Variants in ACAP3 observed in about 807,000 individuals in gnomAD.
The protein encoded by ACAP3 is arf-GAP with coiled-coil, ANK repeat and PH domain-containing protein 3.
In ACAP3, 56 loss-of-function variants were observed where a neutral mutation model predicts 104.1. That is an observed-to-expected ratio of 0.54 (90% CI 0.43 to 0.67). The LOEUF is 0.67. Ranked by LOEUF, ACAP3 falls within the 30% of genes least tolerant of loss-of-function variation. ACAP3 has a pLI of 0.00. For missense variants in ACAP3, 1,208 were observed against 1,174.9 expected (o/e 1.03, Z -0.41); for synonymous variants, 628 against 496.2 (o/e 1.27, Z -3.53).
chr1:1,292,567 C>T lies in ACAP3; in HGVS notation c.*997G>A, dbSNP rs1265792833. ...GGGCCGGGTCCAGCGCCCACTGTGC[C>T]CTCAGGGAGCCTCCCCAGGGCAGCA... On this transcript the variant is annotated 3_prime_UTR_variant, in exon 24 of 24. Transcript: ENST00000354700. 6.6e-6 allele frequency: 1 copy of T among 152,434 alleles called. No homozygotes were observed. The highest frequency in any genetic ancestry group is 1.5e-5 in the Non-Finnish European group (1 of 68,212). 9.4% of individuals were successfully genotyped at this position (152,434 alleles called of 1,614,324 possible).
In ACAP3 at chr1:1,296,564, C is replaced by T. The variant is rs759899820; in HGVS notation, c.1198G>A (p.Val400Met). The T allele has an allele frequency of 4.7e-5, 72 of 1,539,564 alleles. No homozygotes were observed. The highest frequency in any genetic ancestry group is 1.4e-4 in the South Asian group (12 of 84,064). ...DSATDTRERG[V>M]KGESVLQRVQ... ...CGCTGCAGCACACTCTCGCCCTTCACGCCACGCTCCCGAGTGTCGGTGGCG... is the reference window on the plus strand; with the variant it reads ...CGCTGCAGCACACTCTCGCCCTTCATGCCACGCTCCCGAGTGTCGGTGGCG... The change falls in exon 15 of 24, where the codon GTG becomes ATG. Residue 400 changes from valine to methionine, a missense_variant. Coordinates refer to ENST00000354700, the MANE Select transcript of ACAP3 (RefSeq NM_030649.3).
rs996041007 is a variant in ACAP3, at chr1:1,303,438, G to A, written c.106-157C>T. ...GCCCCGGTGCAGCTTCCTCACGCCTGGGCCTGCCTGGGGCTTGGAGGCCCG... is the reference window on the plus strand; with the variant it reads ...GCCCCGGTGCAGCTTCCTCACGCCTAGGCCTGCCTGGGGCTTGGAGGCCCG... On this transcript the variant is annotated intron_variant, in intron 2 of 23. Transcript: ENST00000354700. This position sits in a 1 kb window ranked among gnomAD's most constrained non-coding sequence, Gnocchi z 4.0. The A allele has an allele frequency of 9.5e-7, 1 of 1,053,438 alleles. No individual in the cohort carries two copies. The highest frequency in any genetic ancestry group is 1.3e-6 in the Non-Finnish European group (1 of 750,444). The allele number at this position is 1,053,438 out of a possible 1,614,324, so 65.3% of individuals were successfully genotyped here. A position where few individuals can be genotyped will look rare whatever the true frequency, so the allele number is the denominator to read the frequency against.
intron 1 of ACAP3, 46 bp from the exon 2 acceptor site, chr1:1,304,189 C>T (rs1308869406): frequency 4.5e-6 from 7 of 1,548,956 alleles, no homozygotes; most frequent in Non-Finnish European, 6.1e-6. Flanking sequence ...AGCCTCAGCC[C>T]CCTCGGGGCT....
intron 10 of ACAP3, 112 bp from the exon 11 acceptor site, chr1:1,298,791 C>T: frequency 1.3e-6 from 1 of 773,344 alleles, no homozygotes; most frequent in East Asian, 2.7e-5. Flanking sequence ...TGCCACACGG[C>T]CCACGGACCA....
rs932805838 is a variant in ACAP3, at chr1:1,294,497, G to A, written c.2044C>T (p.Pro682Ser). The change falls in exon 21 of 24, where the codon CCT becomes TCT. Residue 682 changes from proline to serine, a missense_variant. By Grantham distance (74) the Pro-to-Ser change is moderately conservative. Transcript: ENST00000354700. ...TGGGCCAGCGCCGCCGCCAGCGCAGGAAGGTCGCGGGCACGCGCTGCGCGG... is the reference window on the plus strand; with the variant it reads ...TGGGCCAGCGCCGCCGCCAGCGCAGAAAGGTCGCGGGCACGCGCTGCGCGG... The part of the protein sequence containing the change: ...AHRAARARDL[P>S]ALAAALAHGA... 1 of 1,537,922 alleles carries A rather than the reference G, an allele frequency of 6.5e-7. No homozygotes were observed.
rs1641401439 is a variant in ACAP3 at position 1,300,592 on chromosome 1, G to A, written c.439C>T (p.Pro147Ser). 1 of 1,610,442 alleles carries A rather than the reference G, an allele frequency of 6.2e-7. No individual in the cohort carries two copies. The highest frequency in any genetic ancestry group is 8.5e-7 in the Non-Finnish European group (1 of 1,179,282). ...CCGGTGGCTTCCTCCACCTCGTGGGGCCGGTGCCTCGGGGCCTGGGCGTTC... is the reference window on the plus strand; with the variant it reads ...CCGGTGGCTTCCTCCACCTCGTGGGACCGGTGCCTCGGGGCCTGGGCGTTC... ...VRNAQAPRHR[P>S]HEVEEATGAL... The change falls in exon 6 of 24, where the codon CCC becomes TCC. Residue 147 changes from proline (P) to serine (S), a missense_variant. Physicochemically the swap from Pro to Ser is moderately conservative, Grantham distance 74. Coordinates refer to ENST00000354700, the MANE Select transcript of ACAP3 (RefSeq NM_030649.3).
Position 1,299,808 on chromosome 1 carries a change from GGGAGCC to G in ACAP3, c.738+17_738+22del, listed in dbSNP as rs143042602. 6.5e-7 allele frequency: 1 copy of G among 1,538,946 alleles called. No homozygotes were observed. Among genetic ancestry groups the G allele is most frequent in the African/African-American group, 1.4e-5 (1 of 72,956 alleles). Reference sequence around the variant, plus strand: ...GGGCCTCCCAGGCGCCTGGTGTGCAGGGAGCCGGCTGCGCGGCCTCACCCGCTGCTG... The same window carrying G: ...GGGCCTCCCAGGCGCCTGGTGTGCAGGGCTGCGCGGCCTCACCCGCTGCTG... On this transcript the variant is annotated intron_variant, in intron 9 of 23. Transcript: ENST00000354700.
Position 1,296,527 on chromosome 1 carries a change from A to G in ACAP3, c.1235T>C (p.Val412Ala). Residue 412 changes from valine to alanine, a missense_variant, in exon 15 of 24, where the codon GTG becomes GCG. Val to Ala is a moderately conservative substitution (Grantham distance 64). Coordinates refer to ENST00000354700, the MANE Select transcript of ACAP3 (RefSeq NM_030649.3). ...GTCGCCGCACTGGCTGTTGCCGGCCACACTCTGCACACGCTGCAGCACACT... is the reference window on the plus strand; with the variant it reads ...GTCGCCGCACTGGCTGTTGCCGGCCGCACTCTGCACACGCTGCAGCACACT... ...GESVLQRVQSVAGNSQCGDCG... is the reference protein window; with the variant it reads ...GESVLQRVQSAAGNSQCGDCG... 1 of 1,540,030 alleles carries G rather than the reference A, an allele frequency of 6.5e-7. No homozygotes were observed. The highest frequency in any genetic ancestry group is 2.4e-5 in the East Asian group (1 of 40,906).
rs748015959 is a variant in ACAP3, at chr1:1,296,636, G to A, written c.1129-3C>T. ...GGGGATGCTGTGCGGTCCAGCCTCT[G>A]GAGGATGGGGTGGAGCTGCTCGGTC... On this transcript the variant is annotated splice_region_variant and splice_polypyrimidine_tract_variant and intron_variant, in intron 14 of 23. Coordinates refer to ENST00000354700, the MANE Select transcript of ACAP3 (RefSeq NM_030649.3). 3.3e-6 allele frequency: 5 copies of A among 1,534,004 alleles called. No homozygotes were observed. In the African/African-American group the frequency reaches 6.9e-5, roughly 21 times the overall value.
rs756053303 is a variant in ACAP3 at position 1,293,379 on chromosome 1, A to G, written c.*185T>C. ...CCCCCCCAGGGAAACGTGAGGCTTCAAGAGACTCAGTGTGGGGCCCTCGCT... is the reference window on the plus strand; with the variant it reads ...CCCCCCCAGGGAAACGTGAGGCTTCGAGAGACTCAGTGTGGGGCCCTCGCT... On this transcript the variant is annotated 3_prime_UTR_variant, in exon 24 of 24. Transcript: ENST00000354700. 147 of 493,790 alleles carry G rather than the reference A, an allele frequency of 3.0e-4. No individual in the cohort carries two copies. The highest frequency in any genetic ancestry group is 6.6e-4 in the Middle Eastern group (1 of 1,524). 30.6% of individuals were successfully genotyped at this position (493,790 alleles called of 1,614,324 possible).
rs1391725768 is a variant in ACAP3 at position 1,296,585 on chromosome 1, TGGC to T, written c.1174_1176del (p.Ala392del). 1 of 1,539,466 alleles carries T rather than the reference TGGC, an allele frequency of 6.5e-7. No homozygotes were observed. ...TTCACGCCACGCTCCCGAGTGTCGG[TGGC>T]GGAGTCGATGCTGCTCGTGGACGGG... On this transcript the variant is annotated inframe_deletion, in exon 15 of 24. Coordinates refer to ENST00000354700, the MANE Select transcript of ACAP3 (RefSeq NM_030649.3).
chr1:1,293,534 C>A lies in ACAP3; in HGVS notation c.*30G>T, dbSNP rs1640935238. 2 of 1,394,410 alleles carry A rather than the reference C, an allele frequency of 1.4e-6. No homozygotes were observed. The highest frequency in any genetic ancestry group is 3.1e-5 in the Admixed American group (1 of 32,486). 86.4% of individuals were successfully genotyped at this position (1,394,410 alleles called of 1,614,324 possible). On this transcript the variant is annotated 3_prime_UTR_variant, in exon 24 of 24. Coordinates refer to ENST00000354700, the MANE Select transcript of ACAP3 (RefSeq NM_030649.3). ...GGGGCATGCGGGGCGTCGGGCCGGG[C>A]GGGGTGGCAGCTGCCCGGCCTGCCC... is the stretch of plus-strand genomic sequence containing the variant.
intron 1 of ACAP3, chr1:1,307,069 C>T (rs1330804113): frequency 2.5e-6 from 2 of 813,048 alleles, no homozygotes; most frequent in African/African-American, 3.5e-5. Context: ...CGCAGGTGCG[C>T]ACTTGGGGAT....
intron 4 of ACAP3, among the ~76,000 whole-genome samples, chr1:1,302,512 A>C (rs1218999158): frequency 6.6e-6 from 1 of 152,112 alleles, no homozygotes; most frequent in Non-Finnish European, 1.5e-5. Context: ...TGCCTTGTCT[A>C]CTTCGGGACC....
intron 23 of ACAP3, 44 bp downstream of exon 23, chr1:1,293,779 G>A: frequency 6.5e-7 from 1 of 1,529,246 alleles, no homozygotes; most frequent in Non-Finnish European, 8.7e-7. Flanking sequence ...CCCCGCCCCT[G>A]CCCTGGAGGC....
In ACAP3 at chr1:1,298,040, A is replaced by C; in HGVS notation, c.989T>G (p.Phe330Cys). ...VKPCEDIERRFCFEVLSPTKS... is the reference protein window; with the variant it reads ...VKPCEDIERRCCFEVLSPTKS... ...GGTGGGTGACAGCACCTCGAAGCAG[A>C]ACCTCCGCTCGATGTCCTCACACGG... Residue 330 changes from phenylalanine (F) to cysteine (C), a missense_variant, in exon 13 of 24, where the codon TTC becomes TGC. Phe to Cys is a radical substitution (Grantham distance 205). Coordinates refer to ENST00000354700, the MANE Select transcript of ACAP3 (RefSeq NM_030649.3). 6.2e-7 allele frequency: 1 copy of C among 1,611,792 alleles called. No homozygotes were observed. The highest frequency in any genetic ancestry group is 8.5e-7 in the Non-Finnish European group (1 of 1,179,534).
Position 1,293,454 on chromosome 1 carries a change from G to A in ACAP3, c.*110C>T. The A allele has an allele frequency of 8.6e-7, 1 of 1,163,608 alleles. No homozygotes were observed. Among genetic ancestry groups the A allele is most frequent in the Non-Finnish European group, 1.1e-6 (1 of 914,588 alleles). The allele number at this position is 1,163,608 out of a possible 1,614,324, so 72.1% of individuals were successfully genotyped here. A position where few individuals can be genotyped will look rare whatever the true frequency, so the allele number is the denominator to read the frequency against. On this transcript the variant is annotated 3_prime_UTR_variant, in exon 24 of 24. Transcript: ENST00000354700. ...GGCGCCCCAGCACTGGGGCTGCCAG[G>A]TATCGACCCGCGGGTCACACGCAGG...
chr1:1,307,686 G>C, intron 1 of ACAP3, 83 bp downstream of exon 1: 2 of 1,047,074 alleles, frequency 1.9e-6, no homozygotes, highest in Non-Finnish European at 2.3e-6. Flanking sequence ...GCCCGGCGCT[G>C]ACCTCCCCAC....
At chr1:1,302,803 C>A (rs893287729) in intron 4 of ACAP3, 119 bp downstream of exon 4, 24 of 329,516 alleles carry the variant, frequency 7.3e-5, no homozygotes, top group East Asian at 6.5e-4. Flanking sequence ...ATTCCCCCCC[C>A]CCCCGACTAG....
Sources: gnomAD v4.1 joint callset for allele counts (sites outside exome capture counted in the v4.1 genomes callset) on GRCh38, gnomAD v4.1.1 for gene constraint, Gnocchi (gnomAD v3.1) non-coding constraint, MANE v1.5 for transcripts, NCBI Gene and HGNC (gene_info 2026-07-23, HGNC 2026-07-21) for gene names.